Variants in UNC5D observed in about 807,000 individuals in gnomAD.
UNC5D encodes unc-5 netrin receptor D.
In UNC5D, 39 loss-of-function variants were observed where a neutral mutation model predicts 105.4. The ratio of observed to expected loss-of-function variants is 0.37; its 90% CI spans 0.29 to 0.48. The LOEUF (loss-of-function observed/expected upper bound fraction) is 0.48, where lower values mean the gene tolerates loss of function less well. Ranked by LOEUF, UNC5D falls within the 20% of genes least tolerant of loss-of-function variation. The pLI is 0.98. For missense variants in UNC5D, 991 were observed against 1,202.4 expected (o/e 0.82, Z 2.60); for synonymous variants, 452 against 450.4 (o/e 1.00, Z -0.04).
intron 4 of UNC5D, among the ~76,000 whole-genome samples, chr8:35,639,809 A>G (rs959267679): frequency 6.6e-6 from 1 of 151,880 alleles, no homozygotes; most frequent in Non-Finnish European, 1.5e-5. Flanking sequence ...CAGTGGTGTG[A>G]TCTCAGCTCA....
intron 1 of UNC5D, among the ~76,000 whole-genome samples, chr8:35,455,215 A>C (rs555784561): frequency 1.3e-4 from 20 of 152,156 alleles, no homozygotes; most frequent in Non-Finnish European, 2.8e-4. Context: ...AAGTACTAAT[A>C]AATGTTTGAC....
At chr8:35,307,804 G>A (rs781127999) in intron 1 of UNC5D, among the ~76,000 whole-genome samples, 4 of 152,060 alleles carry the variant, frequency 2.6e-5, no homozygotes, top group Admixed American at 6.6e-5. Flanking sequence ...GAAATGCCAC[G>A]CAGGAACTTT....
At chr8:35,250,525 C>T (rs984489328) in intron 1 of UNC5D, among the ~76,000 whole-genome samples, 3 of 152,008 alleles carry the variant, frequency 2.0e-5, no homozygotes, top group African/African-American at 2.4e-5. Flanking sequence ...GATGGAGTCT[C>T]GCTCTGTTGC....
chr8:35,781,532 A>G (rs940931738), intron 16 of UNC5D, among the ~76,000 whole-genome samples: 2 of 152,156 alleles, frequency 1.3e-5, no homozygotes, highest in Non-Finnish European at 2.9e-5. Context: ...TATAGCCTAA[A>G]TAGTCCCCTT....
At chr8:35,714,424 T>C (rs930749001) in intron 8 of UNC5D, among the ~76,000 whole-genome samples, 5 of 152,092 alleles carry the variant, frequency 3.3e-5, no homozygotes, top group African/African-American at 1.2e-4. Flanking sequence ...GCAGGAGATG[T>C]TAATCTAAGA....
At chr8:35,656,663 G>A (rs922560467) in intron 4 of UNC5D, among the ~76,000 whole-genome samples, 13 of 152,072 alleles carry the variant, frequency 8.5e-5, no homozygotes, top group Non-Finnish European at 1.5e-4. Flanking sequence ...CATAGGATTT[G>A]GATCTAATCT....
chr8:35,601,081 G>C (rs770147022), intron 4 of UNC5D, among the ~76,000 whole-genome samples: 10 of 152,114 alleles, frequency 6.6e-5, no homozygotes, highest in African/African-American at 9.6e-5. Flanking sequence ...GCTTGTTTTT[G>C]TCAGGTTTGT....
intron 1 of UNC5D, among the ~76,000 whole-genome samples, chr8:35,444,749 A>G (rs572107873): frequency 1.3e-5 from 2 of 152,082 alleles, no homozygotes; most frequent in East Asian, 1.9e-4. Flanking sequence ...CTATTATTTC[A>G]ACTACACTTA....
chr8:35,320,625 T>C (rs1353150526), intron 1 of UNC5D, among the ~76,000 whole-genome samples: 2 of 152,154 alleles, frequency 1.3e-5, no homozygotes, highest in African/African-American at 4.8e-5. Context: ...GCTGTACTAG[T>C]GTCAGGCTGG....
intron 12 of UNC5D, 80 bp downstream of exon 12, chr8:35,748,775 C>A: frequency 6.9e-7 from 1 of 1,456,900 alleles, no homozygotes; most frequent in Non-Finnish European, 9.2e-7. Context: ...ACATCTAACA[C>A]CACAAATCAG....
chr8:35,607,433 G>T (rs964087624), intron 4 of UNC5D, among the ~76,000 whole-genome samples: 1 of 152,258 alleles, frequency 6.6e-6, no homozygotes, highest in South Asian at 2.1e-4. Context: ...AAGAGAAACT[G>T]TTCCATGCTT....
intron 7 of UNC5D, among the ~76,000 whole-genome samples, chr8:35,694,431 A>C (rs1300485828): frequency 2.0e-5 from 3 of 152,206 alleles, no homozygotes; most frequent in Admixed American, 6.5e-5. Context: ...TTGGATGTGA[A>C]TATCCATCCT....
chr8:35,632,660 T>C (rs1279357652), intron 4 of UNC5D, among the ~76,000 whole-genome samples: 1 of 152,216 alleles, frequency 6.6e-6, no homozygotes, highest in African/African-American at 2.4e-5. Context: ...TTCTCTGTCT[T>C]GTTCACTGCA....
chr8:35,356,397 G>T (rs201699290), intron 1 of UNC5D, among the ~76,000 whole-genome samples: 1 of 152,002 alleles, frequency 6.6e-6, no homozygotes, highest in East Asian at 1.9e-4. Context: ...ATCCAACTGG[G>T]TAGTACTGAA....
At chr8:35,672,624 A>G (rs184615267) in intron 4 of UNC5D, among the ~76,000 whole-genome samples, 8 of 152,306 alleles carry the variant, frequency 5.3e-5, no homozygotes, top group Non-Finnish European at 7.4e-5. Context: ...GGCAGCATGT[A>G]ACCTCCCTTA....
At chr8:35,304,217 A>G (rs1808172110) in intron 1 of UNC5D, among the ~76,000 whole-genome samples, 1 of 152,060 alleles carries the variant, frequency 6.6e-6, no homozygotes, top group Non-Finnish European at 1.5e-5. Flanking sequence ...TTGATTTCTC[A>G]ATAATGGCCT....
At chr8:35,646,262 T>C (rs1345091442) in intron 4 of UNC5D, among the ~76,000 whole-genome samples, 1 of 152,118 alleles carries the variant, frequency 6.6e-6, no homozygotes, top group Non-Finnish European at 1.5e-5. Context: ...AGAAAAACAC[T>C]ATGCTTTTTT....
chr8:35,571,086 A>G (rs1817690826), intron 3 of UNC5D, among the ~76,000 whole-genome samples: 1 of 152,146 alleles, frequency 6.6e-6, no homozygotes, highest in East Asian at 1.9e-4. Context: ...CCTGGCCTCA[A>G]GCAGTTTTTT....
chr8:35,572,898 G>A (rs1415770202), intron 3 of UNC5D, among the ~76,000 whole-genome samples: 2 of 151,516 alleles, frequency 1.3e-5, no homozygotes, highest in Non-Finnish European at 2.9e-5. Flanking sequence ...CCGCCTCCAG[G>A]GTTCACGCCA....
Sources: allele counts gnomAD v4.1 joint callset (sites outside exome capture counted in the v4.1 genomes callset), GRCh38; gene constraint gnomAD v4.1.1; transcripts MANE v1.5; gene names NCBI Gene and HGNC (gene_info 2026-07-23, HGNC 2026-07-21).